The following HEATR5A variants were observed in gnomAD, a reference collection of about 807,000 sequenced individuals.
The protein encoded by HEATR5A is HEAT repeat-containing protein 5A.
In HEATR5A, 178 loss-of-function variants were observed where a neutral mutation model predicts 218.8. The observed-to-expected ratio is 0.81, with a 90% CI of 0.72 to 0.92. The LOEUF is 0.92. Among genes scored for constraint, HEATR5A ranks in the 40% least tolerant of loss-of-function variants. HEATR5A has a pLI of 0.00. For missense variants in HEATR5A, 2,420 were observed against 2,418.9 expected (o/e 1.00, Z -0.01); for synonymous variants, 864 against 871.6 (o/e 0.99, Z 0.15).
chr14:31,303,974 G>C (rs1204700219), intron 32 of HEATR5A, among the ~76,000 whole-genome samples: 1 of 152,024 alleles, frequency 6.6e-6, no homozygotes, highest in Non-Finnish European at 1.5e-5. Context: ...GGGATGTCAA[G>C]GAAGGAGGAT....
chr14:31,386,383 T>C, intron 9 of HEATR5A, 37 bp downstream of exon 9: 1 of 1,546,318 alleles, frequency 6.5e-7, no homozygotes, highest in Non-Finnish European at 8.8e-7. Context: ...AGTTATCTAG[T>C]GTACAAGGTA....
At chr14:31,342,083 T>C (rs1210102342) in intron 21 of HEATR5A, among the ~76,000 whole-genome samples, 1 of 152,180 alleles carries the variant, frequency 6.6e-6, no homozygotes, top group Non-Finnish European at 1.5e-5. Context: ...GTCAGTCAAA[T>C]TCTCTTTTTA....
chr14:31,419,931 T>C (rs1479365670), intron 1 of HEATR5A, among the ~76,000 whole-genome samples: 3 of 152,230 alleles, frequency 2.0e-5, no homozygotes, highest in East Asian at 3.9e-4. Context: ...TGCTCCCTTC[T>C]GGGAACTCTC....
In HEATR5A at chr14:31,358,994, G is replaced by A. The variant is rs1901521701; in HGVS notation, c.2135C>T (p.Ala712Val). ...GGGTGGAAGTAAAAATGTAGATGCTGCCACCTGAATATCAGGGGCAGTCAA... is the reference window on the plus strand; with the variant it reads ...GGGTGGAAGTAAAAATGTAGATGCTACCACCTGAATATCAGGGGCAGTCAA... ...ADLTAPDIQV[A>V]ASTFLLPPLC... The change falls in exon 15 of 36, where the codon GCA (alanine) becomes GTA (valine). Residue 712 changes from alanine to valine, a missense_variant. Ala to Val is a moderately conservative substitution (Grantham distance 64). Coordinates refer to ENST00000543095, the MANE Select transcript of HEATR5A (RefSeq NM_015473.4). 1.9e-6 allele frequency: 3 copies of A among 1,589,164 alleles called. No homozygotes were observed. Among genetic ancestry groups the A allele is most frequent in the South Asian group, 1.2e-5 (1 of 85,628 alleles).
At chr14:31,304,188 G>A (rs972371638) in intron 32 of HEATR5A, among the ~76,000 whole-genome samples, 1 of 152,150 alleles carries the variant, frequency 6.6e-6, no homozygotes, top group South Asian at 2.1e-4. Context: ...CGGCCTAGGT[G>A]ACAGAGAAAG....
intron 35 of HEATR5A, 63 bp from the exon 36 acceptor site, chr14:31,293,675 T>C: frequency 7.0e-7 from 1 of 1,418,576 alleles, no homozygotes; most frequent in Non-Finnish European, 9.5e-7. Context: ...AGCCTGCAAA[T>C]GCACTTGATC....
At chr14:31,344,453 T>C (rs1319428359) in intron 20 of HEATR5A, among the ~76,000 whole-genome samples, 1 of 151,732 alleles carries the variant, frequency 6.6e-6, no homozygotes, top group African/African-American at 2.4e-5. Context: ...TAATTTTTCA[T>C]ATTTTTAGCA....
At chr14:31,343,496 T>C (rs923748547) in intron 21 of HEATR5A, among the ~76,000 whole-genome samples, 1 of 152,146 alleles carries the variant, frequency 6.6e-6, no homozygotes, top group Non-Finnish European at 1.5e-5. Flanking sequence ...TGCTGGAATA[T>C]TAAGGAAAAG....
chr14:31,326,366 CTAAG>C, intron 22 of HEATR5A, 24 bp from the exon 23 acceptor site: 2 of 1,567,320 alleles, frequency 1.3e-6, no homozygotes, highest in Non-Finnish European at 1.7e-6. Flanking sequence ...AATCAATTAT[CTAAG>C]TAATACAGAA....
At chr14:31,297,963 A>G (rs1326767302) in intron 33 of HEATR5A, among the ~76,000 whole-genome samples, 1 of 152,190 alleles carries the variant, frequency 6.6e-6, no homozygotes, top group African/African-American at 2.4e-5. Context: ...GAGTCAGCTA[A>G]TTTGTTTAGT....
chr14:31,400,392 C>T lies in HEATR5A; in HGVS notation c.247G>A (p.Gly83Arg). The T allele has an allele frequency of 1.3e-6, 2 of 1,535,690 alleles. No homozygotes were observed. Among genetic ancestry groups the T allele is most frequent in the Non-Finnish European group, 1.7e-6 (2 of 1,146,618 alleles). ...GCTTCATGAACGGAGAATGTGTCTCCAATACTATAAAGTATGGCTAGATTC... is the reference window on the plus strand; with the variant it reads ...GCTTCATGAACGGAGAATGTGTCTCTAATACTATAAAGTATGGCTAGATTC... Reference protein sequence around the residue: ...AKNLAILYSIGDTFSVHEAID... With the variant: ...AKNLAILYSIRDTFSVHEAID... The change falls in exon 3 of 36, where the codon GGA (glycine) becomes AGA (arginine). Residue 83 changes from glycine (G) to arginine (R), a missense_variant. Coordinates refer to ENST00000543095, the MANE Select transcript of HEATR5A (RefSeq NM_015473.4).
chr14:31,320,443 G>A, intron 25 of HEATR5A: 2 of 1,347,726 alleles, frequency 1.5e-6, no homozygotes, highest in Middle Eastern at 4.5e-4. Flanking sequence ...TGGCGGCTGT[G>A]TCAGTGTCCC....
chr14:31,394,094 T>C lies in HEATR5A; in HGVS notation c.730A>G (p.Ile244Val), dbSNP rs1366450235. Residue 244 changes from isoleucine (I) to valine (V), a missense_variant, in exon 6 of 36, where the codon ATA becomes GTA. Physicochemically the swap from Ile to Val is conservative, Grantham distance 29. Transcript: ENST00000543095. ...VRISVSKLLG[I>V]ILAKAVISKH... Reference sequence around the variant, plus strand: ...GAAATTACAGCTTTAGCTAATATTATGCCTAGTAACTTTGAAACAGAAATC... The same window carrying C: ...GAAATTACAGCTTTAGCTAATATTACGCCTAGTAACTTTGAAACAGAAATC... 6 of 1,534,252 alleles carry C rather than the reference T, an allele frequency of 3.9e-6. No homozygotes were observed. The highest frequency in any genetic ancestry group is 5.2e-6 in the Non-Finnish European group (6 of 1,145,666).
At chr14:31,409,465 C>G (rs890717042) in intron 1 of HEATR5A, among the ~76,000 whole-genome samples, 1 of 152,034 alleles carries the variant, frequency 6.6e-6, no homozygotes, top group Non-Finnish European at 1.5e-5. Context: ...TTTGGGAAGC[C>G]AAGGCTGGCA....
chr14:31,338,797 G>C lies in HEATR5A; in HGVS notation c.3229-1183C>G, dbSNP rs181273922. On this transcript the variant is annotated intron_variant, in intron 21 of 35. Coordinates refer to ENST00000543095, the MANE Select transcript of HEATR5A (RefSeq NM_015473.4). The stretch of plus-strand genomic sequence containing the variant: ...GGCTAAATTTTGGGAGGAAATAAAA[G>C]GTAGGTAGTAGGAGCTATTAAGAAT... Among the ~76,000 whole-genome samples, 63 of 152,204 alleles carry C rather than the reference G, an allele frequency of 4.1e-4. 1 individual carries two copies. The highest frequency in any genetic ancestry group is 4.1e-3 in the Admixed American group (62 of 15,256).
intron 3 of HEATR5A, among the ~76,000 whole-genome samples, chr14:31,399,721 T>C (rs2030799868): frequency 6.6e-6 from 1 of 152,082 alleles, no homozygotes; most frequent in South Asian, 2.1e-4. Context: ...TCCCAGCTAC[T>C]TGGGAGGCTA....
At chr14:31,384,416 C>T (rs1284488455) in intron 9 of HEATR5A, among the ~76,000 whole-genome samples, 3 of 149,594 alleles carry the variant, frequency 2.0e-5, no homozygotes, top group Middle Eastern at 3.5e-3. Flanking sequence ...TGTACTCCAA[C>T]GTGGGTGACA....
intron 23 of HEATR5A, among the ~76,000 whole-genome samples, chr14:31,324,889 G>C (rs1187615652): frequency 6.6e-6 from 1 of 152,120 alleles, no homozygotes; most frequent in Admixed American, 6.5e-5. Context: ...TTGGAAGAGG[G>C]ACCAATAAGA....
In HEATR5A at chr14:31,349,804, T is replaced by G. The variant is rs1053589404; in HGVS notation, c.2693A>C (p.Gln898Pro). 1.2e-6 allele frequency: 2 copies of G among 1,611,506 alleles called. No homozygotes were observed. Among genetic ancestry groups the G allele is most frequent in the Admixed American group, 1.7e-5 (1 of 59,924 alleles). ...ATTCACTTACTTGTCAAAGCTAACTTGAGCTAATCCAGCAGTAAAAGCTCC... is the reference window on the plus strand; with the variant it reads ...ATTCACTTACTTGTCAAAGCTAACTGGAGCTAATCCAGCAGTAAAAGCTCC... ...DDGAFTAGLA[Q>P]VSFDKLKSAR... Residue 898 changes from glutamine (Q) to proline (P), a missense_variant, in exon 18 of 36, where the codon CAA (glutamine) becomes CCA (proline). Physicochemically the swap from Gln to Pro is moderately conservative, Grantham distance 76. Transcript: ENST00000543095.
Sources: gnomAD v4.1 joint callset for allele counts (sites outside exome capture counted in the v4.1 genomes callset) on GRCh38, gnomAD v4.1.1 for gene constraint, MANE v1.5 for transcripts, NCBI Gene and HGNC (gene_info 2026-07-23, HGNC 2026-07-21) for gene names.